The following IMMP2L variants were observed in gnomAD, a reference collection of about 807,000 sequenced individuals.
IMMP2L encodes inner mitochondrial membrane peptidase subunit 2.
IMMP2L carries 18 observed loss-of-function variants against 19.3 expected under a neutral mutation model. The ratio of observed to expected loss-of-function variants is 0.93; its 90% confidence interval spans 0.64 to 1.38. IMMP2L has a LOEUF of 1.38. Among genes scored for constraint, IMMP2L ranks in the 40% most tolerant of loss-of-function variants. IMMP2L has a pLI of 0.00. For missense variants in IMMP2L, 233 were observed against 218.2 expected (o/e 1.07, Z -0.43); for synonymous variants, 76 against 73.0 (o/e 1.04, Z -0.21).
chr7:111,107,833 A>G (rs1473337255), intron 3 of IMMP2L, among the ~76,000 whole-genome samples: 5 of 152,120 alleles, frequency 3.3e-5, no homozygotes, highest in African/African-American at 1.2e-4. Context: ...AGTATTTCCA[A>G]TTCTGCAGAT....
chr7:110,956,123 A>G (rs1818329714), intron 4 of IMMP2L, among the ~76,000 whole-genome samples: 1 of 152,032 alleles, frequency 6.6e-6, no homozygotes, highest in Admixed American at 6.6e-5. Context: ...GAAATGTTCA[A>G]TTTCTAGTGA....
intron 3 of IMMP2L, among the ~76,000 whole-genome samples, chr7:111,049,291 C>T (rs956921518): frequency 2.0e-5 from 3 of 151,784 alleles, no homozygotes; most frequent in Non-Finnish European, 2.9e-5. Flanking sequence ...CCACTACGCC[C>T]GGCTAATTTT....
intron 5 of IMMP2L, among the ~76,000 whole-genome samples, chr7:110,852,811 T>C (rs1806370685): frequency 6.6e-6 from 1 of 152,010 alleles, no homozygotes; most frequent in South Asian, 2.1e-4. Flanking sequence ...GCATTCCAAC[T>C]GATAGACTAA....
At chr7:111,432,980 A>G (rs1049837978) in intron 3 of IMMP2L, among the ~76,000 whole-genome samples, 1 of 151,416 alleles carries the variant, frequency 6.6e-6, no homozygotes, top group Admixed American at 6.6e-5. Context: ...AAAAAAACAC[A>G]CCTGGGAATA....
At chr7:111,224,130 G>A (rs560697142) in intron 3 of IMMP2L, among the ~76,000 whole-genome samples, 4 of 152,168 alleles carry the variant, frequency 2.6e-5, no homozygotes, top group Non-Finnish European at 5.9e-5. Flanking sequence ...TACTCGTGGA[G>A]ATAATGACAC....
In IMMP2L at chr7:111,227,907, T is replaced by C. The variant is rs1813278251; in HGVS notation, c.239+259331A>G. On this transcript the variant is annotated intron_variant, in intron 3 of 5. Transcript: ENST00000405709. ...AGTAAATCAATACCTTGGAATGATA[T>C]TTCAAAAACCACTTCTACTATTAAT... 2.0e-5 allele frequency among the ~76,000 whole-genome samples: 3 copies of C among 152,258 alleles called. No homozygotes were observed. The South Asian group carries it at 6.2e-4, about 32-fold the overall frequency.
At chr7:111,473,347 C>T (rs1386012498) in intron 3 of IMMP2L, among the ~76,000 whole-genome samples, 1 of 152,070 alleles carries the variant, frequency 6.6e-6, no homozygotes, top group Non-Finnish European at 1.5e-5. Context: ...ATCTGGACTC[C>T]TATGTGGCAG....
intron 3 of IMMP2L, among the ~76,000 whole-genome samples, chr7:111,225,689 G>C (rs934052634): frequency 2.3e-4 from 17 of 74,802 alleles, no homozygotes; most frequent in African/African-American, 9.8e-4. Flanking sequence ...GTGAGATAGA[G>C]CCAAAAAAAA....
intron 3 of IMMP2L, among the ~76,000 whole-genome samples, chr7:111,368,630 T>A (rs1584826539): frequency 6.6e-6 from 1 of 151,886 alleles, no homozygotes; most frequent in African/African-American, 2.4e-5. Flanking sequence ...GCTTTTCCCA[T>A]CCCAGATACC....
At chr7:111,047,407 C>T (rs1225884011) in intron 3 of IMMP2L, among the ~76,000 whole-genome samples, 2 of 151,954 alleles carry the variant, frequency 1.3e-5, no homozygotes, top group Non-Finnish European at 2.9e-5. Flanking sequence ...AGGCTGGTCT[C>T]GAACTCCTGA....
chr7:110,868,233 C>A lies in IMMP2L; in HGVS notation c.408+18360G>T, dbSNP rs535377946. Among the ~76,000 whole-genome samples, 7 of 151,368 alleles carry A rather than the reference C, an allele frequency of 4.6e-5. 1 individual carries two copies. The South Asian group carries it at 1.5e-3, about 32-fold the overall frequency. On this transcript the variant is annotated intron_variant, in intron 5 of 5. Transcript: ENST00000405709. ...CTAAATCAAGCCGAGACAAAGAACACCTGGTGTATATTATTTTGACTAAGG... is the reference window on the plus strand; with the variant it reads ...CTAAATCAAGCCGAGACAAAGAACAACTGGTGTATATTATTTTGACTAAGG...
At chr7:111,092,173 C>T (rs1796941483) in intron 3 of IMMP2L, among the ~76,000 whole-genome samples, 1 of 152,136 alleles carries the variant, frequency 6.6e-6, no homozygotes, top group Non-Finnish European at 1.5e-5. Context: ...AATAACATCC[C>T]CTCGCTGGTC....
chr7:111,007,417 G>A (rs1457089537), intron 3 of IMMP2L, among the ~76,000 whole-genome samples: 1 of 152,010 alleles, frequency 6.6e-6, no homozygotes, highest in African/African-American at 2.4e-5. Context: ...TGACACAGCT[G>A]ATCACTCTCT....
chr7:110,758,059 T>C lies in IMMP2L; in HGVS notation c.409-94338A>G, dbSNP rs1311802101. Reference sequence around the variant, plus strand: ...GAGATAGGAAGAAAAACTAGAAGAATATGTTGCCCTAGGAGTTAGGGAAGA... The same window carrying C: ...GAGATAGGAAGAAAAACTAGAAGAACATGTTGCCCTAGGAGTTAGGGAAGA... On this transcript the variant is annotated intron_variant, in intron 5 of 5. Transcript: ENST00000405709. This position sits in a 1 kb window ranked among gnomAD's most constrained non-coding sequence, Gnocchi z 4.6. 6.6e-6 allele frequency among the ~76,000 whole-genome samples: 1 copy of C among 151,994 alleles called. No homozygotes were observed. Among genetic ancestry groups the C allele is most frequent in the Non-Finnish European group, 1.5e-5 (1 of 67,984 alleles).
intron 3 of IMMP2L, among the ~76,000 whole-genome samples, chr7:111,239,898 T>C (rs751851919): frequency 3.3e-5 from 5 of 151,996 alleles, no homozygotes; most frequent in Non-Finnish European, 7.4e-5. Flanking sequence ...TAAAAGGTCT[T>C]GTTTTAAAAG....
At chr7:110,937,970 G>C (rs991709894) in intron 4 of IMMP2L, among the ~76,000 whole-genome samples, 2 of 152,148 alleles carry the variant, frequency 1.3e-5, no homozygotes, top group African/African-American at 4.8e-5. Flanking sequence ...AGTGGCCTCT[G>C]TTCCCTGAGT....
Position 111,213,590 on chromosome 7 carries a change from G to A in IMMP2L, c.240-250025C>T, listed in dbSNP as rs1292059993. 6.6e-6 allele frequency among the ~76,000 whole-genome samples: 1 copy of A among 152,084 alleles called. No homozygotes were observed. The highest frequency in any genetic ancestry group is 2.4e-5 in the African/African-American group (1 of 41,396). ...TATGGCCACCCTTGGACAAACTGGT[G>A]CACACTTCCTCCCCTCTGAGGCCCA... On this transcript the variant is annotated intron_variant, in intron 3 of 5. Transcript: ENST00000405709. The surrounding 1 kb of genome is among the most constrained non-coding windows in gnomAD (Gnocchi z 4.8).
At chr7:111,250,293 T>C (rs968153815) in intron 3 of IMMP2L, among the ~76,000 whole-genome samples, 15 of 152,138 alleles carry the variant, frequency 9.9e-5, no homozygotes, top group African/African-American at 2.9e-4. Context: ...TGCTCATGGA[T>C]AGGAAGAATC....
intron 3 of IMMP2L, among the ~76,000 whole-genome samples, chr7:111,126,792 G>C (rs1304775638): frequency 6.6e-6 from 1 of 152,064 alleles, no homozygotes; most frequent in Non-Finnish European, 1.5e-5. Flanking sequence ...AGTTTTTATA[G>C]GCAAATTGTT....
Sources: gnomAD v4.1 joint callset for allele counts (sites outside exome capture counted in the v4.1 genomes callset) on GRCh38, gnomAD v4.1.1 for gene constraint, Gnocchi (gnomAD v3.1) non-coding constraint, MANE v1.5 for transcripts, NCBI Gene and HGNC (gene_info 2026-07-23, HGNC 2026-07-21) for gene names.